Variants in PTPRT observed in about 807,000 individuals in gnomAD.
PTPRT encodes receptor-type tyrosine-protein phosphatase T.
PTPRT carries 56 observed loss-of-function variants against 176.8 expected under a neutral mutation model. The ratio of observed to expected loss-of-function variants is 0.32; its 90% CI spans 0.26 to 0.40. The LOEUF (loss-of-function observed/expected upper bound fraction) is 0.40. PTPRT is among the 10% of genes least tolerant of loss of function. The probability of loss-of-function intolerance (pLI) is 1.00; values close to 1 mark genes in which losing one functional copy is unlikely to be tolerated. For missense variants in PTPRT, 1,540 were observed against 1,908.2 expected, an observed-to-expected ratio of 0.81 and a Z score of 3.60; for synonymous variants, 783 against 739.0, an observed-to-expected ratio of 1.06 and a Z score of -0.96.
chr20:42,945,526 C>T (rs1354396165), intron 1 of PTPRT, among the ~76,000 whole-genome samples: 1 of 152,202 alleles, frequency 6.6e-6, no homozygotes. Context: ...AAAACCCCAG[C>T]GGATGCTCCC....
chr20:42,576,839 G>A (rs144384558), intron 7 of PTPRT, among the ~76,000 whole-genome samples: 1 of 152,220 alleles, frequency 6.6e-6, no homozygotes, highest in Non-Finnish European at 1.5e-5. Flanking sequence ...TTCTACAAGT[G>A]TCCCCTGAGC....
At chr20:43,033,757 T>C (rs78489776) in intron 1 of PTPRT, among the ~76,000 whole-genome samples, 175 of 152,294 alleles carry the variant, frequency 1.1e-3, no homozygotes, top group African/African-American at 3.7e-3. Context: ...TGGAGGCAGA[T>C]GCTAAGGTCA....
intron 1 of PTPRT, among the ~76,000 whole-genome samples, chr20:42,934,469 A>G (rs1031720170): frequency 1.5e-4 from 23 of 152,222 alleles, no homozygotes; most frequent in Non-Finnish European, 3.2e-4. Context: ...GGCAGAGCTC[A>G]GCTGGGTCCT....
chr20:42,448,833 C>A (rs2070776613), intron 8 of PTPRT, among the ~76,000 whole-genome samples: 1 of 150,108 alleles, frequency 6.7e-6, no homozygotes, highest in South Asian at 2.1e-4. Flanking sequence ...ATAAAATACA[C>A]TAACACGAAC....
intron 7 of PTPRT, among the ~76,000 whole-genome samples, chr20:42,504,992 T>G (rs1056918522): frequency 6.6e-6 from 1 of 152,150 alleles, no homozygotes; most frequent in African/African-American, 2.4e-5. Context: ...TTCTGGGAGC[T>G]GGGCAGAGCA....
chr20:42,353,468 A>G (rs1285215872), intron 9 of PTPRT, among the ~76,000 whole-genome samples: 1 of 152,214 alleles, frequency 6.6e-6, no homozygotes, highest in African/African-American at 2.4e-5. Flanking sequence ...ACCATGCCCC[A>G]TGTGACATAT....
At chr20:42,566,263 G>A (rs1229860058) in intron 7 of PTPRT, among the ~76,000 whole-genome samples, 3 of 140,302 alleles carry the variant, frequency 2.1e-5, no homozygotes, top group African/African-American at 8.6e-5. Context: ...AGCCTCCCAA[G>A]TAGCTGGGAT....
chr20:42,833,459 G>GTC (rs1235534499), intron 2 of PTPRT, among the ~76,000 whole-genome samples: 1 of 151,614 alleles, frequency 6.6e-6, no homozygotes, highest in East Asian at 1.9e-4. Context: ...TGTGCCTATA[G>GTC]TCTCAGCTAC....
At chr20:42,646,710 G>T (rs2074908297) in intron 7 of PTPRT, among the ~76,000 whole-genome samples, 3 of 151,876 alleles carry the variant, frequency 2.0e-5, no homozygotes, top group Admixed American at 2.0e-4. Flanking sequence ...GGATGGTGCT[G>T]CACTATAGGC....
At chr20:42,503,843 C>A (rs941756403) in intron 7 of PTPRT, among the ~76,000 whole-genome samples, 35 of 152,058 alleles carry the variant, frequency 2.3e-4, no homozygotes, top group Admixed American at 3.9e-4. Flanking sequence ...AAGAACTCTG[C>A]CCCTTCAGAG....
At chr20:42,248,426 T>C (rs923008927) in intron 14 of PTPRT, among the ~76,000 whole-genome samples, 1 of 152,230 alleles carries the variant, frequency 6.6e-6, no homozygotes, top group African/African-American at 2.4e-5. Context: ...TGGAATCCCA[T>C]GGCACATCGC....
the PTPRT span, among the ~76,000 whole-genome samples, chr20:42,047,574 G>C: frequency 6.6e-6 from 1 of 152,186 alleles, no homozygotes; most frequent in African/African-American, 2.4e-5. Context: ...TCTCATACCT[G>C]AATTTAAATA....
intron 18 of PTPRT, among the ~76,000 whole-genome samples, chr20:42,133,529 G>T (rs752224967): frequency 1.3e-5 from 2 of 152,212 alleles, no homozygotes; most frequent in African/African-American, 2.4e-5. Flanking sequence ...GTTTCCAGGG[G>T]CTTGGGAGGA....
chr20:43,102,158 C>T (rs765332035), intron 1 of PTPRT, among the ~76,000 whole-genome samples: 3 of 152,034 alleles, frequency 2.0e-5, no homozygotes, highest in Non-Finnish European at 1.5e-5. Flanking sequence ...CTGATGAAGT[C>T]TAAACATATT....
intron 4 of PTPRT, among the ~76,000 whole-genome samples, chr20:42,776,030 G>A (rs928489161): frequency 1.3e-5 from 2 of 152,068 alleles, no homozygotes; most frequent in Non-Finnish European, 2.9e-5. Flanking sequence ...GCAGTCCCTG[G>A]GGCCCACAGG....
chr20:42,210,203 CA>C (rs1451395125), intron 15 of PTPRT, among the ~76,000 whole-genome samples: 1 of 152,250 alleles, frequency 6.6e-6, no homozygotes, highest in East Asian at 1.9e-4. Context: ...ACTGAATGGG[CA>C]AAAACTGGAA....
intron 13 of PTPRT, among the ~76,000 whole-genome samples, chr20:42,281,020 G>A (rs1459484070): frequency 1.3e-5 from 2 of 152,120 alleles, no homozygotes; most frequent in East Asian, 3.9e-4. Flanking sequence ...AGGAGCCATA[G>A]AGCATACCAT....
intron 3 of PTPRT, among the ~76,000 whole-genome samples, chr20:42,785,748 G>C (rs150398373): frequency 8.5e-5 from 13 of 152,330 alleles, no homozygotes; most frequent in Admixed American, 2.6e-4. Flanking sequence ...GGAGGTTACT[G>C]AGTACAGGCT....
Position 42,572,463 on chromosome 20 carries a change from C to T in PTPRT, c.1154-99901G>A, listed in dbSNP as rs917348829. Among the ~76,000 whole-genome samples, 5 of 152,226 alleles carry T rather than the reference C, an allele frequency of 3.3e-5. No homozygotes were observed. The East Asian group carries it at 9.7e-4, about 29-fold the overall frequency. On this transcript the variant is annotated intron_variant, in intron 7 of 30. Coordinates refer to ENST00000373187, the MANE Select transcript of PTPRT (RefSeq NM_007050.6). Reference sequence around the variant, plus strand: ...ACATGGGTCTTCCCCCAGCTTCCACCCACAGGCCATGCTCTCATTTACTCC... The same window carrying T: ...ACATGGGTCTTCCCCCAGCTTCCACTCACAGGCCATGCTCTCATTTACTCC...
Sources: allele counts gnomAD v4.1 joint callset (sites outside exome capture counted in the v4.1 genomes callset), GRCh38; gene constraint gnomAD v4.1.1; transcripts MANE v1.5; gene names NCBI Gene and HGNC (gene_info 2026-07-23, HGNC 2026-07-21).